DNAH9: variants seen among roughly 807,000 people sequenced by gnomAD.
The protein encoded by DNAH9 is DNAH9 variant protein.
A neutral mutation model predicts 471.6 loss-of-function variants in DNAH9; 345 were observed. That is an observed-to-expected ratio of 0.73 (90% confidence interval 0.67 to 0.80). DNAH9 has a LOEUF of 0.80. DNAH9 is among the 30% of genes least tolerant of loss of function. The pLI is 0.00. For missense variants in DNAH9, 5,407 were observed against 5,609.2 expected, an observed-to-expected ratio of 0.96 and a Z score of 1.15; for synonymous variants, 2,093 against 2,123.6, an observed-to-expected ratio of 0.99 and a Z score of 0.40.
At chr17:11,943,077 G>A (rs1974994119) in intron 67 of DNAH9, among the ~76,000 whole-genome samples, 1 of 151,642 alleles carries the variant, frequency 6.6e-6, no homozygotes, top group Admixed American at 6.6e-5. Flanking sequence ...TGTATTTTTA[G>A]GAGAGATGGG....
chr17:11,693,880 T>G lies in DNAH9; in HGVS notation c.4627T>G (p.Phe1543Val). 6.2e-7 allele frequency: 1 copy of G among 1,614,054 alleles called. No individual in the cohort carries two copies. The highest frequency in any genetic ancestry group is 8.5e-7 in the Non-Finnish European group (1 of 1,180,002). The stretch of plus-strand genomic sequence containing the variant: ...TTTTTATTTGCAGGATTCTAAAAGG[T>G]TTGAAGGCATCGACATTGACTTTAA... ...RAQLPQDSKR[F>V]EGIDIDFKEL... Residue 1543 changes from phenylalanine to valine, a missense_variant, in exon 21 of 69, where the codon TTT (phenylalanine) becomes GTT (valine). Physicochemically the swap from Phe to Val is conservative, Grantham distance 50 (BLOSUM62 -1). This residue lies in a region of DNAH9 where 4,636 missense variants were observed against 4,900.3 expected (regional missense o/e 0.95). Transcript: ENST00000262442.
chr17:11,625,200 G>T (rs975986800), intron 6 of DNAH9, among the ~76,000 whole-genome samples: 2 of 152,136 alleles, frequency 1.3e-5, no homozygotes, highest in East Asian at 3.8e-4. Flanking sequence ...GCACCTTGGC[G>T]AGAACTCTCA....
chr17:11,670,581 C>G (rs1019185754), intron 17 of DNAH9, among the ~76,000 whole-genome samples: 1 of 152,136 alleles, frequency 6.6e-6, no homozygotes, highest in African/African-American at 2.4e-5. Flanking sequence ...GCTCCCTGAT[C>G]TGGAGCCATA....
At chr17:11,823,939 A>G (rs924255695) in intron 48 of DNAH9, among the ~76,000 whole-genome samples, 1 of 151,848 alleles carries the variant, frequency 6.6e-6, no homozygotes, top group Non-Finnish European at 1.5e-5. Flanking sequence ...CAAAAAAAAA[A>G]AAAGAAAGAA....
chr17:11,827,521 G>A (rs1199604837), intron 48 of DNAH9, among the ~76,000 whole-genome samples: 2 of 152,130 alleles, frequency 1.3e-5, no homozygotes, highest in African/African-American at 2.4e-5. Context: ...GTGCAGTGCC[G>A]AGGGGATGGT....
intron 67 of DNAH9, among the ~76,000 whole-genome samples, chr17:11,943,221 G>A (rs778871671): frequency 2.0e-5 from 3 of 152,022 alleles, no homozygotes. Context: ...TAAAAGAATT[G>A]TAAATGAACA....
At chr17:11,872,154 G>C (rs1972291458) in intron 52 of DNAH9, among the ~76,000 whole-genome samples, 1 of 152,156 alleles carries the variant, frequency 6.6e-6, no homozygotes, top group Admixed American at 6.5e-5. Flanking sequence ...AGCAGTCAGG[G>C]GACGTTCCAT....
intron 41 of DNAH9, among the ~76,000 whole-genome samples, chr17:11,791,531 C>T (rs865797724): frequency 6.6e-6 from 1 of 151,756 alleles, no homozygotes; most frequent in Non-Finnish European, 1.5e-5. Flanking sequence ...GCCAATATGG[C>T]GAAACCTGGT....
At chr17:11,782,742 T>C (rs1290564612) in intron 39 of DNAH9, among the ~76,000 whole-genome samples, 10 of 152,060 alleles carry the variant, frequency 6.6e-5, no homozygotes, top group East Asian at 3.9e-4. Context: ...ACTAAAAATA[T>C]AAAAATTAGC....
intron 11 of DNAH9, 86 bp downstream of exon 11, chr17:11,644,785 C>T (rs2073348337): frequency 3.3e-6 from 3 of 905,002 alleles, no homozygotes; most frequent in South Asian, 1.4e-5. Context: ...GCAGATTCCT[C>T]AGTGGCTCCG....
intron 61 of DNAH9, among the ~76,000 whole-genome samples, chr17:11,911,980 CAA>C (rs1216020158): frequency 1.3e-5 from 2 of 152,066 alleles, no homozygotes; most frequent in Non-Finnish European, 2.9e-5. Context: ...ATGTTATCTG[CAA>C]ATTCAGATAT....
intron 22 of DNAH9, among the ~76,000 whole-genome samples, chr17:11,695,112 T>A (rs1274793766): frequency 1.3e-5 from 2 of 151,330 alleles, no homozygotes; most frequent in Non-Finnish European, 2.9e-5. Flanking sequence ...GTGGTCTTGA[T>A]CTCCTGACCT....
chr17:11,826,820 CTTTTTTTT>C lies in DNAH9; in HGVS notation c.9246+3801_9246+3808del, dbSNP rs760330537. On this transcript the variant is annotated intron_variant, in intron 48 of 68. Transcript: ENST00000262442. ...TGTCCTCTTGTTGAGTCCCTACTTT[CTTTTTTTT>C]TTTTTTTTTTTTTTGAGACAGAGTC... Among the ~76,000 whole-genome samples, 4 of 103,022 alleles carry C rather than the reference CTTTTTTTT, an allele frequency of 3.9e-5. No individual in the cohort carries two copies. The Admixed American group carries it at 4.1e-4, about 10-fold the overall frequency. The allele number at this position is 103,022 out of a possible 152,430, so 67.6% of individuals were successfully genotyped here.
intron 67 of DNAH9, among the ~76,000 whole-genome samples, chr17:11,957,151 A>G (rs1975685029): frequency 1.3e-5 from 2 of 152,136 alleles, no homozygotes; most frequent in African/African-American, 2.4e-5. Flanking sequence ...AATTAAATTC[A>G]ACTACTTAAA....
chr17:11,692,416 A>G (rs1038338742), intron 20 of DNAH9, among the ~76,000 whole-genome samples: 4 of 152,338 alleles, frequency 2.6e-5, no homozygotes, highest in South Asian at 2.1e-4. Flanking sequence ...TAGTCTGTCA[A>G]TCATTTCAAT....
intron 28 of DNAH9, among the ~76,000 whole-genome samples, chr17:11,736,854 C>T (rs1017623998): frequency 2.0e-5 from 3 of 152,222 alleles, no homozygotes; most frequent in African/African-American, 4.8e-5. Flanking sequence ...GTCCCAGGCT[C>T]GTGCCTTAGT....
chr17:11,625,349 T>G (rs2072950244), intron 6 of DNAH9, among the ~76,000 whole-genome samples: 1 of 152,206 alleles, frequency 6.6e-6, no homozygotes, highest in Admixed American at 6.5e-5. Context: ...TTCCTTTTGC[T>G]CTTTCTACCA....
Position 11,694,002 on chromosome 17 carries a change from A to G in DNAH9, c.4745+4A>G. The G allele has an allele frequency of 6.2e-7, 1 of 1,613,584 alleles. No homozygotes were observed. On this transcript the variant is annotated splice_donor_region_variant and intron_variant, in intron 21 of 68. Transcript: ENST00000262442. ...AGCTGGAGGATATTCAGGGCAGGTG[A>G]GGGTCCGCCCATTACCCCTTCTCTA...
rs76795183 is a variant in DNAH9 at position 11,604,943 on chromosome 17, T to C, written c.418-3186T>C. 1.3e-4 allele frequency among the ~76,000 whole-genome samples: 20 copies of C among 152,292 alleles called. No homozygotes were observed. In the East Asian group the frequency reaches 3.5e-3, roughly 26 times the overall value. The stretch of plus-strand genomic sequence containing the variant: ...AAACGATCTCAGCCTATGGCACTCC[T>C]TTGCTCAAAACTTTCAATGATGTCC... On this transcript the variant is annotated intron_variant, in intron 1 of 68. Transcript: ENST00000262442.
Sources: gnomAD v4.1 joint callset for allele counts (sites outside exome capture counted in the v4.1 genomes callset) on GRCh38, gnomAD v4.1.1 for gene constraint, gnomAD v4.1.1 regional missense constraint, MANE v1.5 for transcripts, NCBI Gene and HGNC (gene_info 2026-07-23, HGNC 2026-07-21) for gene names.